Variants in PCDHGA1 observed in about 807,000 individuals in gnomAD.
PCDHGA1 encodes protocadherin gamma-A1.
Under a neutral mutation model 58.0 loss-of-function variants are expected in PCDHGA1, and 32 were observed. That is an observed-to-expected ratio of 0.55 (90% CI 0.42 to 0.74). The LOEUF is 0.74. Among genes scored for constraint, PCDHGA1 ranks in the 30% least tolerant of loss-of-function variants. The pLI is 0.00. For synonymous variants in PCDHGA1, 498 were observed against 501.1 expected (o/e 0.99, Z 0.08); for missense variants, 1,205 against 1,182.3 (o/e 1.02, Z -0.28).
chr5:141,500,184 TTTTA>T (rs58019021), intron 2 of PCDHGA1, among the ~76,000 whole-genome samples: 6,359 of 135,894 alleles, frequency 0.047, 285 homozygotes, highest in African/African-American at 0.12. Context: ...TCATTTTTAT[TTTTA>T]TTTATTTATT....
chr5:141,469,354 A>G (rs1160934469), intron 1 of PCDHGA1, among the ~76,000 whole-genome samples: 1 of 152,128 alleles, frequency 6.6e-6, no homozygotes, highest in Non-Finnish European at 1.5e-5. Flanking sequence ...AGGTGGATGG[A>G]TCATGAGGTA....
At position 141,331,310 on chromosome 5, in the gene PCDHGA1, ACCTCAT is replaced by A; in HGVS notation, c.632_637del (p.Ile211_Leu212del). ...GACAGAGAAGAAGAAGCTGTCCACCACCTCATCCTCACAGCTTCTGATGGGGGTGAA... is the reference window on the plus strand; with the variant it reads ...GACAGAGAAGAAGAAGCTGTCCACCACCTCACAGCTTCTGATGGGGGTGAA... On this transcript the variant is annotated inframe_deletion, in exon 1 of 4. Coordinates refer to ENST00000517417, the MANE Select transcript of PCDHGA1 (RefSeq NM_018912.3). The A allele has an allele frequency of 6.2e-7, 1 of 1,614,026 alleles. No individual in the cohort carries two copies. The highest frequency in any genetic ancestry group is 8.5e-7 in the Non-Finnish European group (1 of 1,180,010).
chr5:141,345,414 A>C, intron 1 of PCDHGA1: 1 of 1,614,088 alleles, frequency 6.2e-7, no homozygotes, highest in Non-Finnish European at 8.5e-7. Flanking sequence ...CTCCGCCTAC[A>C]TTCCAGAAAA....
intron 1 of PCDHGA1, among the ~76,000 whole-genome samples, chr5:141,363,513 T>A (rs995820646): frequency 6.6e-6 from 1 of 152,210 alleles, no homozygotes; most frequent in Non-Finnish European, 1.5e-5. Context: ...TCCTCCACAG[T>A]TACTATACTG....
intron 1 of PCDHGA1, chr5:141,352,508 CTA>C: frequency 6.2e-7 from 1 of 1,614,022 alleles, no homozygotes; most frequent in African/African-American, 1.3e-5. Context: ...TTCCTACAAT[CTA>C]TGTATTGCCT....
At position 141,431,007 on chromosome 5, in the gene PCDHGA1, G is replaced by C. The variant is rs149559471; in HGVS notation, c.2422-63800G>C. On this transcript the variant is annotated intron_variant, in intron 1 of 3. Transcript: ENST00000517417. This position sits in a 1 kb window ranked among gnomAD's most constrained non-coding sequence, Gnocchi z 4.8. Reference sequence around the variant, plus strand: ...TTCGCCCTGAATCCGCGCAGCGGCAGCTTGGTCACGGCGGGCAGGATAGAC... The same window carrying C: ...TTCGCCCTGAATCCGCGCAGCGGCACCTTGGTCACGGCGGGCAGGATAGAC... 10 of 1,614,050 alleles carry C rather than the reference G, an allele frequency of 6.2e-6. No homozygotes were observed. The highest frequency in any genetic ancestry group is 8.5e-6 in the Non-Finnish European group (10 of 1,180,018).
At chr5:141,357,456 C>A (rs767627723) in intron 1 of PCDHGA1, 1 of 1,614,086 alleles carries the variant, frequency 6.2e-7, no homozygotes, top group African/African-American at 1.3e-5. Flanking sequence ...TCCTGCAGAC[C>A]TATTCCCACG....
chr5:141,481,781 G>A (rs957054361), intron 1 of PCDHGA1, among the ~76,000 whole-genome samples: 3 of 151,998 alleles, frequency 2.0e-5, no homozygotes, highest in Admixed American at 6.6e-5. Context: ...GTGAAACCCC[G>A]TCTCTACTAA....
chr5:141,403,964 G>T (rs1279237991), intron 1 of PCDHGA1: 1 of 1,613,704 alleles, frequency 6.2e-7, no homozygotes, highest in Non-Finnish European at 8.5e-7. Context: ...CATTTCGGTG[G>T]AAGATGTAAA....
At chr5:141,354,975 T>C (rs1466745484) in intron 1 of PCDHGA1, 5 of 539,240 alleles carry the variant, frequency 9.3e-6, no homozygotes, top group Non-Finnish European at 1.5e-5. Context: ...ACTCTGGGTG[T>C]CGCTGTTCAC....
chr5:141,381,898 C>T (rs1777736173), intron 1 of PCDHGA1, among the ~76,000 whole-genome samples: 2 of 123,608 alleles, frequency 1.6e-5, no homozygotes, highest in African/African-American at 6.3e-5. Context: ...GGTGTGATCT[C>T]GGCTCACCAC....
intron 1 of PCDHGA1, chr5:141,364,342 A>G: frequency 6.5e-7 from 1 of 1,540,308 alleles, no homozygotes; most frequent in Non-Finnish European, 8.7e-7. Flanking sequence ...TGGCGAGTCC[A>G]CCTAGGGGCT....
At chr5:141,472,455 G>A (rs191633108) in intron 1 of PCDHGA1, among the ~76,000 whole-genome samples, 2 of 151,972 alleles carry the variant, frequency 1.3e-5, no homozygotes, top group South Asian at 2.1e-4. Context: ...CAGGAGAATC[G>A]CTTGAACCCA....
chr5:141,505,342 T>C (rs2099845433), intron 2 of PCDHGA1, 51 bp from the exon 3 acceptor site: 1 of 1,612,738 alleles, frequency 6.2e-7, no homozygotes, highest in African/African-American at 1.3e-5. Flanking sequence ...AGGAGGGGCA[T>C]GAGCTGTGCC....
rs6873304 is a variant in PCDHGA1, at chr5:141,369,666, G to A, written c.2421+36561G>A. ...GGGGGGAGATAATAAAGATAAAAGA[G>A]AAGAAAGTGAAACATAGAATAAAAC... On this transcript the variant is annotated intron_variant, in intron 1 of 3. Coordinates refer to ENST00000517417, the MANE Select transcript of PCDHGA1 (RefSeq NM_018912.3). 4.3e-3 allele frequency among the ~76,000 whole-genome samples: 662 copies of A among 152,228 alleles called. 7 individuals carry two copies. The highest frequency in any genetic ancestry group is 0.015 in the African/African-American group (637 of 41,556).
chr5:141,444,282 C>T (rs1341316344), intron 1 of PCDHGA1, among the ~76,000 whole-genome samples: 1 of 148,268 alleles, frequency 6.7e-6, no homozygotes, highest in African/African-American at 2.5e-5. Flanking sequence ...AGTGATTCTC[C>T]TGCCTCAGCC....
At chr5:141,381,066 C>T (rs1178029702) in intron 1 of PCDHGA1, among the ~76,000 whole-genome samples, 1 of 152,200 alleles carries the variant, frequency 6.6e-6, no homozygotes, top group Non-Finnish European at 1.5e-5. Context: ...GCAAAGATAA[C>T]TATGGATTAT....
At chr5:141,385,542 A>G in intron 1 of PCDHGA1, 1 of 1,327,542 alleles carries the variant, frequency 7.5e-7, no homozygotes. Context: ...GAATATGTGG[A>G]CTATCACATT....
chr5:141,477,502 C>A lies in PCDHGA1; in HGVS notation c.2422-17305C>A, dbSNP rs2099412065. On this transcript the variant is annotated intron_variant, in intron 1 of 3. Coordinates refer to ENST00000517417, the MANE Select transcript of PCDHGA1 (RefSeq NM_018912.3). This position sits in a 1 kb window ranked among gnomAD's most constrained non-coding sequence, Gnocchi z 4.9. ...CTCCACAATCTTCTCAATCTTCCTA[C>A]GACGTTTACATTGAAGAAAACAACC... The A allele has an allele frequency of 9.3e-6, 15 of 1,614,026 alleles. No homozygotes were observed. The highest frequency in any genetic ancestry group is 1.3e-5 in the Non-Finnish European group (15 of 1,180,026).
Sources: gnomAD v4.1 joint callset for allele counts (sites outside exome capture counted in the v4.1 genomes callset) on GRCh38, gnomAD v4.1.1 for gene constraint, Gnocchi (gnomAD v3.1) non-coding constraint, MANE v1.5 for transcripts, NCBI Gene and HGNC (gene_info 2026-07-23, HGNC 2026-07-21) for gene names.